Variants in ACOXL observed in about 807,000 individuals in gnomAD.
ACOXL encodes the protein acyl-CoA oxidase like, also known as acyl-coenzyme A oxidase-like protein.
Under a neutral mutation model 71.9 loss-of-function variants are expected in ACOXL, and 70 were observed. The observed-to-expected ratio is 0.97, with a 90% CI of 0.80 to 1.19. ACOXL has a LOEUF of 1.19. Ranked by LOEUF, ACOXL falls within the 50% of genes most tolerant of loss-of-function variation. ACOXL has a pLI of 0.00. For synonymous variants in ACOXL, 253 were observed against 281.6 expected, an observed-to-expected ratio of 0.90 and a Z score of 1.02; for missense variants, 703 against 736.3, an observed-to-expected ratio of 0.95 and a Z score of 0.52.
chr2:110,854,256 G>A (rs1266204297), intron 10 of ACOXL, among the ~76,000 whole-genome samples: 1 of 152,190 alleles, frequency 6.6e-6, no homozygotes. Flanking sequence ...ACAGTGGGTA[G>A]AGGATATGAT....
intron 16 of ACOXL, among the ~76,000 whole-genome samples, chr2:111,064,563 T>A (rs1448707529): frequency 6.6e-6 from 1 of 152,204 alleles, no homozygotes; most frequent in African/African-American, 2.4e-5. Flanking sequence ...TGTAAGTAGT[T>A]GTTGTATTGT....
chr2:110,796,372 C>A (rs1274199353), intron 5 of ACOXL, among the ~76,000 whole-genome samples: 1 of 152,212 alleles, frequency 6.6e-6, no homozygotes, highest in Non-Finnish European at 1.5e-5. Flanking sequence ...ACAACACTGA[C>A]CATTTTGCTG....
In ACOXL at chr2:110,864,418, A is replaced by G. The variant is rs183428253; in HGVS notation, c.788+23013A>G. ...GCTTCACCAAGCCCACAGAAACCCGAAGCCATTTGTTTCTCTACAACCAGA... is the reference window on the plus strand; with the variant it reads ...GCTTCACCAAGCCCACAGAAACCCGGAGCCATTTGTTTCTCTACAACCAGA... On this transcript the variant is annotated intron_variant, in intron 10 of 17. Coordinates refer to ENST00000439055, the MANE Select transcript of ACOXL (RefSeq NM_001142807.4). Among the ~76,000 whole-genome samples, 16 of 152,304 alleles carry G rather than the reference A, an allele frequency of 1.1e-4. 1 individual carries two copies. The East Asian group carries it at 3.1e-3, about 29-fold the overall frequency.
intron 10 of ACOXL, among the ~76,000 whole-genome samples, chr2:110,880,835 C>T (rs1696548982): frequency 6.6e-6 from 1 of 152,160 alleles, no homozygotes; most frequent in Admixed American, 6.5e-5. Flanking sequence ...AACAACAAGA[C>T]TCCATCAATG....
rs867668358 is a variant in ACOXL at position 111,042,238 on chromosome 2, C to T, written c.1370-6980C>T. Among the ~76,000 whole-genome samples, 29 of 152,358 alleles carry T rather than the reference C, an allele frequency of 1.9e-4. No homozygotes were observed. In the Middle Eastern group the frequency reaches 0.024, roughly 125 times the overall value. On this transcript the variant is annotated intron_variant, in intron 15 of 17. Coordinates refer to ENST00000439055, the MANE Select transcript of ACOXL (RefSeq NM_001142807.4). ...CTTAGTCTTAGTCTTAGTATAGACTCACTTAGTTTATTTGCTTAGAAGGTT... is the reference window on the plus strand; with the variant it reads ...CTTAGTCTTAGTCTTAGTATAGACTTACTTAGTTTATTTGCTTAGAAGGTT...
chr2:110,749,424 C>T (rs530150403), intron 1 of ACOXL, among the ~76,000 whole-genome samples: 13 of 152,294 alleles, frequency 8.5e-5, no homozygotes, highest in Admixed American at 3.3e-4. Flanking sequence ...TTTGTCAAAA[C>T]GAAGACAGCA....
chr2:110,829,429 C>T (rs1002775341), intron 9 of ACOXL, among the ~76,000 whole-genome samples: 1 of 152,160 alleles, frequency 6.6e-6, no homozygotes, highest in African/African-American at 2.4e-5. Context: ...GAAGTTGGTT[C>T]TTTCTCTTCT....
chr2:110,987,908 A>T (rs1013086563), intron 13 of ACOXL, among the ~76,000 whole-genome samples: 2 of 152,126 alleles, frequency 1.3e-5, no homozygotes, highest in African/African-American at 4.8e-5. Context: ...AACCCTGTAC[A>T]TGTTTTCTGG....
At chr2:110,907,401 G>A (rs1447678273) in intron 10 of ACOXL, among the ~76,000 whole-genome samples, 2 of 152,260 alleles carry the variant, frequency 1.3e-5, no homozygotes, top group East Asian at 3.9e-4. Context: ...CCTTAGCAGT[G>A]ACCTAACATC....
chr2:111,008,260 A>T (rs1484019131), intron 14 of ACOXL, among the ~76,000 whole-genome samples: 3 of 152,158 alleles, frequency 2.0e-5, no homozygotes, highest in Non-Finnish European at 4.4e-5. Context: ...TTTTTTGGCT[A>T]AGCGAAATAT....
chr2:111,039,561 C>A (rs532563368), intron 15 of ACOXL, among the ~76,000 whole-genome samples: 1 of 152,170 alleles, frequency 6.6e-6, no homozygotes, highest in Admixed American at 6.5e-5. Flanking sequence ...TGTCTACTGA[C>A]ACGTAGAATC....
At chr2:111,022,109 T>C (rs1159840936) in intron 14 of ACOXL, among the ~76,000 whole-genome samples, 1 of 152,116 alleles carries the variant, frequency 6.6e-6, no homozygotes, top group East Asian at 1.9e-4. Flanking sequence ...TCCCAGCACT[T>C]TGGGAGGCCG....
intron 16 of ACOXL, among the ~76,000 whole-genome samples, chr2:111,054,358 G>A (rs1316708097): frequency 6.6e-6 from 1 of 152,216 alleles, no homozygotes; most frequent in Admixed American, 6.5e-5. Flanking sequence ...CAGGCTGCTG[G>A]TGGTGCAACA....
At chr2:110,918,197 G>A (rs1351361798) in intron 11 of ACOXL, among the ~76,000 whole-genome samples, 1 of 152,118 alleles carries the variant, frequency 6.6e-6, no homozygotes, top group Non-Finnish European at 1.5e-5. Flanking sequence ...CATGGTACTG[G>A]TACCAAAACA....
At chr2:111,064,834 A>C (rs2066987806) in intron 16 of ACOXL, among the ~76,000 whole-genome samples, 1 of 152,234 alleles carries the variant, frequency 6.6e-6, no homozygotes, top group African/African-American at 2.4e-5. Context: ...GAAAACTACA[A>C]AATGCTAATG....
intron 3 of ACOXL, among the ~76,000 whole-genome samples, chr2:110,787,403 A>AGGG (rs1684103723): frequency 6.6e-6 from 1 of 151,788 alleles, no homozygotes; most frequent in Non-Finnish European, 1.5e-5. Flanking sequence ...GCGTGGTGGC[A>AGGG]GACGCCTGTA....
intron 13 of ACOXL, among the ~76,000 whole-genome samples, chr2:110,988,142 A>T (rs1037301783): frequency 2.6e-5 from 4 of 152,238 alleles, no homozygotes; most frequent in African/African-American, 9.6e-5. Flanking sequence ...TGATCTTAGC[A>T]GAATATTGAT....
At chr2:110,780,578 C>G (rs998462781) in intron 2 of ACOXL, among the ~76,000 whole-genome samples, 5 of 152,202 alleles carry the variant, frequency 3.3e-5, no homozygotes, top group Non-Finnish European at 7.3e-5. Flanking sequence ...AAATTATAAA[C>G]TATTCATAGA....
intron 16 of ACOXL, among the ~76,000 whole-genome samples, chr2:111,086,919 C>G (rs1465557245): frequency 2.0e-5 from 3 of 152,138 alleles, no homozygotes; most frequent in African/African-American, 4.8e-5. Context: ...GGTCTCTACC[C>G]AAAAGATCCT....
Sources: gnomAD v4.1 joint callset for allele counts (sites outside exome capture counted in the v4.1 genomes callset) on GRCh38, gnomAD v4.1.1 for gene constraint, MANE v1.5 for transcripts, NCBI Gene and HGNC (gene_info 2026-07-23, HGNC 2026-07-21) for gene names.